DPY19L2: variants seen among roughly 807,000 people sequenced by gnomAD.
DPY19L2 encodes probable C-mannosyltransferase DPY19L2.
DPY19L2 carries 34 observed loss-of-function variants against 97.9 expected under a neutral mutation model. The ratio of observed to expected loss-of-function variants is 0.35; its 90% confidence interval spans 0.26 to 0.46. The LOEUF is 0.46. Among genes scored for constraint, DPY19L2 ranks in the 20% least tolerant of loss-of-function variants. The pLI is 1.00. For synonymous variants in DPY19L2, 230 were observed against 307.9 expected (o/e 0.75, Z 2.65); for missense variants, 623 against 911.4 (o/e 0.68, Z 4.07).
At chr12:63,616,818 C>T (rs1887917599) in intron 11 of DPY19L2, among the ~76,000 whole-genome samples, 1 of 152,072 alleles carries the variant, frequency 6.6e-6, no homozygotes, top group Admixed American at 6.6e-5. Flanking sequence ...ATCGTTTGAG[C>T]AAGATCTGTA....
Position 63,668,124 on chromosome 12 carries a change from C to G in DPY19L2, c.270G>C (p.Ala90=). Residue 90 remains alanine, a synonymous_variant, in exon 1 of 22, where the codon GCG becomes GCC. Coordinates refer to ENST00000324472, the MANE Select transcript of DPY19L2 (RefSeq NM_173812.5). ...GTTCCTGCACCTTTTCCCGGAGCTG[C>G]GCCAGGGAATTACGGACGAACTGGA... The part of the protein sequence containing the change: ...GPFQFVRNSL[A]QLREKVQELQ... The G allele has an allele frequency of 1.2e-6, 2 of 1,614,052 alleles. No homozygotes were observed. Among genetic ancestry groups the G allele is most frequent in the Non-Finnish European group, 1.7e-6 (2 of 1,179,986 alleles).
rs562803147 is a variant in DPY19L2, at chr12:63,586,502, C to T, written c.1581-2666G>A. Reference sequence around the variant, plus strand: ...GCAGGGGCAAGTAGAAATATTCCAACAGCTCAGCGCTGAAGCAAGCAGGTC... The same window carrying T: ...GCAGGGGCAAGTAGAAATATTCCAATAGCTCAGCGCTGAAGCAAGCAGGTC... On this transcript the variant is annotated intron_variant, in intron 16 of 21. Coordinates refer to ENST00000324472, the MANE Select transcript of DPY19L2 (RefSeq NM_173812.5). Among the ~76,000 whole-genome samples, 4 of 152,280 alleles carry T rather than the reference C, an allele frequency of 2.6e-5. No individual in the cohort carries two copies. In the South Asian group the frequency reaches 8.3e-4, roughly 32 times the overall value.
chr12:63,597,468 G>T (rs974907118), intron 14 of DPY19L2, among the ~76,000 whole-genome samples: 16 of 151,738 alleles, frequency 1.1e-4, no homozygotes, highest in South Asian at 1.0e-3. Context: ...ACAGAAACAA[G>T]AATTTAGACT....
chr12:63,648,995 C>CA (rs778885283), intron 4 of DPY19L2, among the ~76,000 whole-genome samples: 33 of 150,978 alleles, frequency 2.2e-4, no homozygotes, highest in Non-Finnish European at 3.1e-4. Context: ...ATAGTCTCAG[C>CA]AAAAAAAACA....
intron 6 of DPY19L2, among the ~76,000 whole-genome samples, chr12:63,634,798 T>G (rs12818183): frequency 0.4 from 60,455 of 151,826 alleles, 12,040 homozygotes; most frequent in South Asian, 0.46. Flanking sequence ...TCGAACAGGG[T>G]GGAGCCCACC....
chr12:63,640,251 A>C (rs1284861844), intron 6 of DPY19L2, among the ~76,000 whole-genome samples: 2 of 152,282 alleles, frequency 1.3e-5, no homozygotes, highest in African/African-American at 4.8e-5. Context: ...ACCTAATGTA[A>C]ATGACGAGTT....
intron 6 of DPY19L2, among the ~76,000 whole-genome samples, chr12:63,636,770 G>C (rs1202040999): frequency 1.3e-5 from 2 of 152,070 alleles, no homozygotes; most frequent in African/African-American, 2.4e-5. Flanking sequence ...TACAGGAGCA[G>C]CCAGATTCAT....
At chr12:63,593,161 G>A (rs1281963689) in intron 16 of DPY19L2, among the ~76,000 whole-genome samples, 1 of 152,134 alleles carries the variant, frequency 6.6e-6, no homozygotes, top group Admixed American at 6.5e-5. Context: ...AGAGGATGTG[G>A]AGAAATAGGA....
rs1592755239 is a variant in DPY19L2 at position 63,657,688 on chromosome 12, A to G, written c.588+3656T>C. ...TTTTCCTTAGGAGAGATTTCACAAC[A>G]TGGGTGTGAGCAGAGTCTGAGCAAT... is the stretch of plus-strand genomic sequence containing the variant. On this transcript the variant is annotated intron_variant, in intron 4 of 21. Coordinates refer to ENST00000324472, the MANE Select transcript of DPY19L2 (RefSeq NM_173812.5). Among the ~76,000 whole-genome samples, 3 of 152,002 alleles carry G rather than the reference A, an allele frequency of 2.0e-5. No individual in the cohort carries two copies. In the East Asian group the frequency reaches 5.8e-4, roughly 29 times the overall value.
At chr12:63,606,320 T>C (rs1886036394) in intron 12 of DPY19L2, among the ~76,000 whole-genome samples, 1 of 152,128 alleles carries the variant, frequency 6.6e-6, no homozygotes, top group Non-Finnish European at 1.5e-5. Flanking sequence ...TTTATCTTTA[T>C]ATTGATTTTA....
intron 17 of DPY19L2, among the ~76,000 whole-genome samples, 198 bp downstream of exon 17, chr12:63,583,614 C>T (rs759366448): frequency 5.3e-5 from 8 of 152,198 alleles, no homozygotes; most frequent in Non-Finnish European, 1.0e-4. Flanking sequence ...CATAAATCAG[C>T]CTTCTAGCTT....
intron 13 of DPY19L2, among the ~76,000 whole-genome samples, chr12:63,599,447 C>T (rs904975427): frequency 1.4e-4 from 22 of 152,172 alleles, no homozygotes; most frequent in Non-Finnish European, 2.9e-4. Flanking sequence ...CAAATGCTTA[C>T]ATTTAGAAAT....
intron 16 of DPY19L2, among the ~76,000 whole-genome samples, chr12:63,593,189 G>C (rs1330103459): frequency 1.3e-5 from 2 of 152,134 alleles, no homozygotes; most frequent in African/African-American, 4.8e-5. Flanking sequence ...TACACTGTTG[G>C]TGGGACTGTA....
At chr12:63,661,104 G>C (rs942583529) in intron 4 of DPY19L2, 3 of 270,146 alleles carry the variant, frequency 1.1e-5, no homozygotes, top group African/African-American at 6.7e-5. Context: ...CATTTGGCTT[G>C]TCTATTACCC....
intron 3 of DPY19L2, 86 bp from the exon 4 acceptor site, chr12:63,661,567 G>GAAAA (rs77582486): frequency 6.9e-5 from 45 of 650,864 alleles, no homozygotes; most frequent in East Asian, 2.1e-4. Context: ...CTTTTTTTCT[G>GAAAA]AAAAAAAAAA....
At chr12:63,587,566 T>TATTATTATTATG (rs1260756875) in intron 16 of DPY19L2, among the ~76,000 whole-genome samples, 1 of 116,588 alleles carries the variant, frequency 8.6e-6, no homozygotes, top group Non-Finnish European at 1.8e-5. Flanking sequence ...AAATTATTAT[T>TATTATTATTATG]ATTATTATTA....
chr12:63,599,191 A>C (rs962540435), intron 13 of DPY19L2, among the ~76,000 whole-genome samples: 10 of 152,146 alleles, frequency 6.6e-5, no homozygotes, highest in African/African-American at 1.7e-4. Flanking sequence ...AAAAAAAAAA[A>C]AAAAAAGATT....
At position 63,589,000 on chromosome 12, in the gene DPY19L2, A is replaced by G. The variant is rs372694999; in HGVS notation, c.1580+5087T>C. 9.8e-4 allele frequency among the ~76,000 whole-genome samples: 149 copies of G among 151,918 alleles called. 2 individuals carry two copies. The South Asian group carries it at 0.016, about 16-fold the overall frequency. On this transcript the variant is annotated intron_variant, in intron 16 of 21. Transcript: ENST00000324472. The stretch of plus-strand genomic sequence containing the variant: ...AATCTCCTGACCTCGTGATCCGCCC[A>G]CCTTGGCCTCCCAAAATGCTGGTAT...
intron 16 of DPY19L2, among the ~76,000 whole-genome samples, chr12:63,590,665 A>T (rs1046905988): frequency 1.2e-4 from 19 of 152,194 alleles, no homozygotes; most frequent in East Asian, 5.8e-4. Flanking sequence ...CTATTTTTTT[A>T]AAATATTGTG....
Sources: gnomAD v4.1 joint callset for allele counts (sites outside exome capture counted in the v4.1 genomes callset) on GRCh38, gnomAD v4.1.1 for gene constraint, MANE v1.5 for transcripts, NCBI Gene and HGNC (gene_info 2026-07-23, HGNC 2026-07-21) for gene names.